ITGB6: variants seen among roughly 807,000 people sequenced by gnomAD.
The protein encoded by ITGB6 is integrin beta-6.
A neutral mutation model predicts 84.5 loss-of-function variants in ITGB6; 80 were observed. The ratio of observed to expected loss-of-function variants is 0.95; its 90% CI spans 0.79 to 1.14. ITGB6 has a LOEUF of 1.14. ITGB6 is among the 50% of genes most tolerant of loss of function. The pLI is 0.00. For synonymous variants in ITGB6, 383 were observed against 354.9 expected (o/e 1.08, Z -0.89); for missense variants, 1,006 against 968.0 (o/e 1.04, Z -0.52).
chr2:160,194,333 T>C (rs1686252689), intron 4 of ITGB6, among the ~76,000 whole-genome samples: 1 of 151,942 alleles, frequency 6.6e-6, no homozygotes, highest in Non-Finnish European at 1.5e-5. Flanking sequence ...AGATGTTTTT[T>C]AAATGGTATA....
chr2:160,173,353 C>T (rs1685291992), intron 5 of ITGB6, among the ~76,000 whole-genome samples: 1 of 152,190 alleles, frequency 6.6e-6, no homozygotes, highest in Admixed American at 6.5e-5. Flanking sequence ...CGCATCCTGG[C>T]TCTTCCATCC....
chr2:160,114,007 C>A (rs1682651346), intron 12 of ITGB6, among the ~76,000 whole-genome samples: 1 of 152,106 alleles, frequency 6.6e-6, no homozygotes, highest in Admixed American at 6.5e-5. Flanking sequence ...ACATTTTATT[C>A]TGTGGTAGGA....
chr2:160,192,295 T>G (rs1308193549), intron 4 of ITGB6, among the ~76,000 whole-genome samples: 3 of 152,100 alleles, frequency 2.0e-5, no homozygotes, highest in East Asian at 3.8e-4. Flanking sequence ...TGAAACAGAA[T>G]AGTGTCCAGA....
rs530156530 is a variant in ITGB6 at position 160,154,876 on chromosome 2, C to T, written c.1018-12805G>A. Among the ~76,000 whole-genome samples, 116 of 152,222 alleles carry T rather than the reference C, an allele frequency of 7.6e-4. 1 individual carries two copies. The highest frequency in any genetic ancestry group is 1.4e-3 in the Admixed American group (22 of 15,290). ...TTGGTATGGTTTGGATTTGGGTCTCCGCCCAAATCTCATGTTGAATTGTAA... is the reference window on the plus strand; with the variant it reads ...TTGGTATGGTTTGGATTTGGGTCTCTGCCCAAATCTCATGTTGAATTGTAA... On this transcript the variant is annotated intron_variant, in intron 7 of 14. Transcript: ENST00000283249.
intron 8 of ITGB6, 97 bp from the exon 9 acceptor site, chr2:160,138,296 T>C (rs1686163165): frequency 3.3e-6 from 4 of 1,208,470 alleles, no homozygotes; most frequent in Non-Finnish European, 4.5e-6. Context: ...TACAAATAAA[T>C]AAAACTAAAT....
At chr2:160,108,251 G>GTGTGTGTGTGTGTGTGTGTGTGTGTT (rs1696989651) in intron 13 of ITGB6, among the ~76,000 whole-genome samples, 1 of 147,068 alleles carries the variant, frequency 6.8e-6, no homozygotes, top group African/African-American at 2.5e-5. Flanking sequence ...GTGTGTGTGT[G>GTGTGTGTGTGTGTGTGTGTGTGTGTT]TGTGCTGCAT....
At chr2:160,148,468 A>T (rs1684280278) in intron 7 of ITGB6, among the ~76,000 whole-genome samples, 2 of 152,238 alleles carry the variant, frequency 1.3e-5, no homozygotes, top group Non-Finnish European at 1.5e-5. Context: ...TTTACCAAAA[A>T]GAGTTGAACA....
intron 4 of ITGB6, among the ~76,000 whole-genome samples, chr2:160,184,473 T>C (rs1685813754): frequency 6.6e-6 from 1 of 152,132 alleles, no homozygotes; most frequent in Admixed American, 6.5e-5. Context: ...GTTCTGAAAT[T>C]GAGATAGTAA....
chr2:160,188,268 G>T (rs189921619), intron 4 of ITGB6, among the ~76,000 whole-genome samples: 51 of 152,294 alleles, frequency 3.3e-4, no homozygotes, highest in African/African-American at 1.2e-3. Flanking sequence ...GTATGTATGT[G>T]TGTACAAGGG....
intron 6 of ITGB6, among the ~76,000 whole-genome samples, chr2:160,172,045 T>A (rs1481953460): frequency 6.6e-6 from 1 of 152,166 alleles, no homozygotes; most frequent in Admixed American, 6.5e-5. Flanking sequence ...AGCTCTGAAA[T>A]TTTTTCCTGG....
chr2:160,196,847 T>A (rs113821396), intron 2 of ITGB6, among the ~76,000 whole-genome samples: 22 of 152,210 alleles, frequency 1.4e-4, no homozygotes, highest in Admixed American at 4.6e-4. Flanking sequence ...CATGATCAAA[T>A]CTTTATCACT....
chr2:160,107,702 G>A lies in ITGB6; in HGVS notation c.2245C>T (p.Arg749Ter), dbSNP rs199651918. The part of the protein sequence containing the change: ...RKEVAKFEAE[R>*]SKAKWQTGTN... ...ACCGTTTGCCACTTGGCTTTTGATC[G>A]TTCTGCTTCAAATTTGGCAACTTCT... The change falls in exon 14 of 15, where the codon CGA (arginine) becomes TGA (stop). Residue 749 changes from arginine (R) to a stop codon, truncating the protein, a stop_gained. Transcript: ENST00000283249. LOFTEE classifies it high-confidence loss of function. 14 of 1,613,818 alleles carry A rather than the reference G, an allele frequency of 8.7e-6. No homozygotes were observed. Among genetic ancestry groups the A allele is most frequent in the South Asian group, 6.6e-5 (6 of 91,062 alleles).
chr2:160,178,508 G>A (rs1037889821), intron 4 of ITGB6, among the ~76,000 whole-genome samples: 1 of 152,164 alleles, frequency 6.6e-6, no homozygotes, highest in African/African-American at 2.4e-5. Flanking sequence ...AGAACTCTGT[G>A]CCTTTGGAAA....
Position 160,137,689 on chromosome 2 carries a change from G to T in ITGB6, c.1405C>A (p.His469Asn), listed in dbSNP as rs142197545. The change falls in exon 10 of 15, where the codon CAC (histidine) becomes AAC (asparagine). Residue 469 changes from histidine to asparagine, a missense_variant. Coordinates refer to ENST00000283249, the MANE Select transcript of ITGB6 (RefSeq NM_000888.5). ...CCACACTGGAAAGAGCCGTTCCCGT[G>T]GTGACATTTGGAGCTGTTCACTTCC... ...EVEVNSSKCH[H>N]GNGSFQCGVC... is the part of the protein sequence containing the mutation. 2.6e-3 allele frequency: 4,185 copies of T among 1,614,166 alleles called. 4 individuals carry two copies. Among genetic ancestry groups the T allele is most frequent in the Non-Finnish European group, 3.1e-3 (3,664 of 1,180,026 alleles).
rs1441604246 is a variant in ITGB6, at chr2:160,100,626, G to A, written c.*1110C>T. 7.4e-6 allele frequency: 1 copy of A among 134,404 alleles called. No homozygotes were observed. The highest frequency in any genetic ancestry group is 1.8e-5 in the Non-Finnish European group (1 of 56,234). The allele number at this position is 134,404 out of a possible 1,614,324, so 8.3% of individuals were successfully genotyped here. A position where few individuals can be genotyped will look rare whatever the true frequency, so the allele number is the denominator to read the frequency against. On this transcript the variant is annotated 3_prime_UTR_variant, in exon 15 of 15. Transcript: ENST00000283249. Reference sequence around the variant, plus strand: ...GAGTCCATCTCTTCCATCAACTGATGGATCCCTAATTTGCACATGTATTTT... The same window carrying A: ...GAGTCCATCTCTTCCATCAACTGATAGATCCCTAATTTGCACATGTATTTT...
chr2:160,108,890 G>A (rs1697012242), intron 13 of ITGB6, among the ~76,000 whole-genome samples: 1 of 152,154 alleles, frequency 6.6e-6, no homozygotes, highest in Admixed American at 6.5e-5. Context: ...CCTAGGAGAT[G>A]ATACATTTCT....
intron 7 of ITGB6, among the ~76,000 whole-genome samples, chr2:160,146,302 T>A (rs994534897): frequency 7.2e-5 from 11 of 152,202 alleles, no homozygotes; most frequent in Admixed American, 6.5e-4. Context: ...CTATCACATT[T>A]TAATAAAGAA....
intron 14 of ITGB6, among the ~76,000 whole-genome samples, chr2:160,103,366 T>C (rs2105767961): frequency 6.6e-6 from 1 of 152,366 alleles, no homozygotes. Flanking sequence ...GACCTCTGAC[T>C]AAGTGACATG....
Position 160,100,373 on chromosome 2 carries a change from C to T in ITGB6, c.*1363G>A, listed in dbSNP as rs922642683. On this transcript the variant is annotated 3_prime_UTR_variant, in exon 15 of 15. Transcript: ENST00000283249. ...AGTTTAAATGCTATTTGTTCAGTCT[C>T]GAACATTTTCAAACAAATGACAGTT... 8 of 152,162 alleles carry T rather than the reference C, an allele frequency of 5.3e-5. No individual in the cohort carries two copies. Among genetic ancestry groups the T allele is most frequent in the South Asian group, 2.1e-4 (1 of 4,826 alleles). The allele number at this position is 152,162 out of a possible 1,614,324, so 9.4% of individuals were successfully genotyped here. A position where few individuals can be genotyped will look rare whatever the true frequency, so the allele number is the denominator to read the frequency against.
Sources: gnomAD v4.1 joint callset for allele counts (sites outside exome capture counted in the v4.1 genomes callset) on GRCh38, gnomAD v4.1.1 for gene constraint, MANE v1.5 for transcripts, NCBI Gene and HGNC (gene_info 2026-07-23, HGNC 2026-07-21) for gene names.